Variants in CHRNA6 observed in about 807,000 individuals in gnomAD.
CHRNA6 encodes the protein neuronal acetylcholine receptor subunit alpha-6.
In CHRNA6, 31 loss-of-function variants were observed where a neutral mutation model predicts 40.9. The ratio of observed to expected loss-of-function variants is 0.76; its 90% CI spans 0.57 to 1.02. CHRNA6 has a LOEUF of 1.02. Among genes scored for constraint, CHRNA6 ranks in the 50% least tolerant of loss-of-function variants. The probability of loss-of-function intolerance (pLI) is 0.00; values close to 1 mark genes in which losing one functional copy is unlikely to be tolerated. For synonymous variants in CHRNA6, 222 were observed against 221.3 expected (o/e 1.00, Z -0.03); for missense variants, 546 against 596.6 (o/e 0.92, Z 0.88).
chr8:42,755,890 G>T lies in CHRNA6; in HGVS notation c.1309C>A (p.Gln437Lys). 6.2e-7 allele frequency: 1 copy of T among 1,614,158 alleles called. No homozygotes were observed. The highest frequency in any genetic ancestry group is 1.1e-5 in the South Asian group (1 of 91,072). Residue 437 changes from glutamine to lysine, a missense_variant, in exon 5 of 6, where the codon CAG becomes AAG. Gln to Lys is a moderately conservative substitution (Grantham distance 53). Coordinates refer to ENST00000276410, the MANE Select transcript of CHRNA6 (RefSeq NM_004198.3). ...CTCTTCATGTTTTCTGCTATGAACT[G>T]AACACTGTTAATCACATCTTCAACT... ...PEVEDVINSV[Q>K]FIAENMKSHN... is the part of the protein sequence containing the mutation.
At chr8:42,766,576 G>T (rs977249369) in intron 1 of CHRNA6, among the ~76,000 whole-genome samples, 2 of 152,144 alleles carry the variant, frequency 1.3e-5, no homozygotes, top group African/African-American at 4.8e-5. Flanking sequence ...GAACAAGATC[G>T]TGCCCTTTGC....
At position 42,756,166 on chromosome 8, in the gene CHRNA6, A is replaced by C; in HGVS notation, c.1033T>G (p.Phe345Val). ...AGGACCTGGGGCAGCAGCTTCAGGA[A>C]AACTGTCTTCACCCACCTGGGCATT... Reference protein sequence around the residue: ...HTMPRWVKTVFLKLLPQVLLM... With the variant: ...HTMPRWVKTVVLKLLPQVLLM... The change falls in exon 5 of 6, where the codon TTC becomes GTC. Residue 345 changes from phenylalanine to valine, a missense_variant. Around this residue, in one of 3 missense-constraint regions of CHRNA6, gnomAD observed 476 missense variants for 494.5 expected, o/e 0.96. Transcript: ENST00000276410. The C allele has an allele frequency of 6.2e-7, 1 of 1,614,248 alleles. No individual in the cohort carries two copies. Among genetic ancestry groups the C allele is most frequent in the Non-Finnish European group, 8.5e-7 (1 of 1,180,042 alleles).
intron 2 of CHRNA6, among the ~76,000 whole-genome samples, chr8:42,764,275 C>CT (rs1236086325): frequency 2.0e-5 from 3 of 151,908 alleles, no homozygotes; most frequent in African/African-American, 4.8e-5. Flanking sequence ...TTCCCAACCT[C>CT]TTTTTTTTCC....
chr8:42,760,215 A>C, intron 2 of CHRNA6, among the ~76,000 whole-genome samples: 1 of 152,236 alleles, frequency 6.6e-6, no homozygotes, highest in East Asian at 1.9e-4. Context: ...ACACATATGC[A>C]CACACACGCA....
chr8:42,764,896 CACAG>C (rs1188806213), intron 2 of CHRNA6, 165 bp downstream of exon 2: 3 of 667,150 alleles, frequency 4.5e-6, no homozygotes, highest in East Asian at 5.5e-5. Context: ...CACTGCCTCA[CACAG>C]ACAGTTACAG....
chr8:42,756,303 A>G lies in CHRNA6; in HGVS notation c.896T>C (p.Val299Ala). Residue 299 changes from valine to alanine, a missense_variant, in exon 5 of 6, where the codon GTG (valine) becomes GCG (alanine). Around this residue, in one of 3 missense-constraint regions of CHRNA6, gnomAD observed 476 missense variants for 494.5 expected, o/e 0.96. Coordinates refer to ENST00000276410, the MANE Select transcript of CHRNA6 (RefSeq NM_004198.3). Reference protein sequence around the residue: ...ITETIPSTSLVVPLVGEYLLF... With the variant: ...ITETIPSTSLAVPLVGEYLLF... ...CAGGTACTCACCCACCAGTGGGACCACCAGAGATGTGGATGGGATGGTTTC... is the reference window on the plus strand; with the variant it reads ...CAGGTACTCACCCACCAGTGGGACCGCCAGAGATGTGGATGGGATGGTTTC... 6.2e-7 allele frequency: 1 copy of G among 1,614,266 alleles called. No homozygotes were observed. Among genetic ancestry groups the G allele is most frequent in the Non-Finnish European group, 8.5e-7 (1 of 1,180,048 alleles).
chr8:42,761,072 G>T (rs1244916755), intron 2 of CHRNA6, among the ~76,000 whole-genome samples: 1 of 152,158 alleles, frequency 6.6e-6, no homozygotes, highest in East Asian at 1.9e-4. Flanking sequence ...CCACGTGGCT[G>T]CCCTGCAGTT....
intron 1 of CHRNA6, among the ~76,000 whole-genome samples, chr8:42,767,661 T>G (rs991418418): frequency 3.3e-5 from 5 of 152,170 alleles, no homozygotes; most frequent in African/African-American, 1.2e-4. Flanking sequence ...AAATTTAAGG[T>G]AAAACATCAT....
rs1486057766 is a variant in CHRNA6, at chr8:42,756,750, G to A, written c.449C>T (p.Pro150Leu). The change falls in exon 5 of 6, where the codon CCA (proline) becomes CTA (leucine). Residue 150 changes from proline to leucine, a missense_variant. Physicochemically the swap from Pro to Leu is moderately conservative, Grantham distance 98. Around this residue, in one of 3 missense-constraint regions of CHRNA6, gnomAD observed 476 missense variants for 494.5 expected, o/e 0.96. Transcript: ENST00000276410. ...LKYNGMITWTPPAIFKSSCPM... is the reference protein window; with the variant it reads ...LKYNGMITWTLPAIFKSSCPM... ...GCAGGAACTCTTAAAAATAGCTGGTGGAGTCCAGGTTATCATGCCATTGTA... is the reference window on the plus strand; with the variant it reads ...GCAGGAACTCTTAAAAATAGCTGGTAGAGTCCAGGTTATCATGCCATTGTA... The A allele has an allele frequency of 6.2e-7, 1 of 1,613,442 alleles. No individual in the cohort carries two copies.
At position 42,756,623 on chromosome 8, in the gene CHRNA6, T is replaced by G. The variant is rs769939913; in HGVS notation, c.576A>C (p.Gly192=). ...DKAEIDLLII[G]SKVDMNDFWE... is the part of the protein sequence containing the mutation. ...AAAAATCATTCATATCCACTTTTGA[T>G]CCAATGATTAGAAGATCAATTTCAG... Residue 192 remains glycine (G), a synonymous_variant, in exon 5 of 6, where the codon GGA becomes GGC. Transcript: ENST00000276410. 6.2e-7 allele frequency: 1 copy of G among 1,614,044 alleles called. No individual in the cohort carries two copies. Among genetic ancestry groups the G allele is most frequent in the Non-Finnish European group, 8.5e-7 (1 of 1,180,030 alleles).
At chr8:42,758,815 A>G (rs1351207718) in intron 3 of CHRNA6, among the ~76,000 whole-genome samples, 1 of 152,228 alleles carries the variant, frequency 6.6e-6, no homozygotes, top group Non-Finnish European at 1.5e-5. Context: ...CTCAAGTTAC[A>G]GAAAAGTGGA....
At chr8:42,753,364 A>G (rs1816750264) in intron 5 of CHRNA6, 54 bp from the exon 6 acceptor site, 4 of 1,503,702 alleles carry the variant, frequency 2.7e-6, no homozygotes, top group Non-Finnish European at 3.6e-6. Context: ...ACCATAAGAA[A>G]CATGCCTTGT....
chr8:42,768,437 AAC>A lies in CHRNA6; in HGVS notation c.-9_-8del. On this transcript the variant is annotated 5_prime_UTR_variant, in exon 1 of 6. An upstream open reading frame in the 5' UTR loses its in-frame stop. Transcript: ENST00000276410. The stretch of plus-strand genomic sequence containing the variant: ...GCCCCTTGCTGGTCAGCATGGTTAA[AAC>A]ACACTTGGATTCCTTTTTCCTAGGC... The A allele has an allele frequency of 6.2e-7, 1 of 1,611,988 alleles. No individual in the cohort carries two copies. Among genetic ancestry groups the A allele is most frequent in the Non-Finnish European group, 8.5e-7 (1 of 1,178,114 alleles).
intron 2 of CHRNA6, among the ~76,000 whole-genome samples, chr8:42,760,321 C>G (rs1043990152): frequency 7.8e-6 from 1 of 128,632 alleles, no homozygotes; most frequent in African/African-American, 4.4e-5. Flanking sequence ...CACACTCATG[C>G]ACACTCACAC....
chr8:42,764,955 G>A, intron 2 of CHRNA6, 110 bp downstream of exon 2: 1 of 1,217,352 alleles, frequency 8.2e-7, no homozygotes, highest in Non-Finnish European at 1.1e-6. Context: ...TGGCTTTGAA[G>A]GGCCAGATCT....
At position 42,756,999 on chromosome 8, in the gene CHRNA6, T is replaced by C; in HGVS notation, c.303A>G (p.Glu101=). Residue 101 remains glutamate, a synonymous_variant, in exon 4 of 6, where the codon GAA becomes GAG. Transcript: ENST00000276410. ...NDYKLRWDPM[E]YDGIETLRVP... is the part of the protein sequence containing the mutation. The stretch of plus-strand genomic sequence containing the variant: ...CGCGAAGAGTCTCAATGCCATCATA[T>C]TCCATTGGATCCCAGCGCAATTTAT... 6.2e-7 allele frequency: 1 copy of C among 1,613,658 alleles called. No individual in the cohort carries two copies. Among genetic ancestry groups the C allele is most frequent in the Non-Finnish European group, 8.5e-7 (1 of 1,179,518 alleles).
intron 2 of CHRNA6, among the ~76,000 whole-genome samples, chr8:42,761,642 A>G (rs1816906131): frequency 6.6e-6 from 1 of 152,190 alleles, no homozygotes; most frequent in East Asian, 1.9e-4. Context: ...GACCCTATGG[A>G]GCAGGACCTG....
At chr8:42,758,942 T>C (rs1816853259) in intron 3 of CHRNA6, 127 bp downstream of exon 3, 6 of 743,066 alleles carry the variant, frequency 8.1e-6, no homozygotes, top group Non-Finnish European at 1.4e-5. Flanking sequence ...AGCTGAACTT[T>C]AGGCTTTGGA....
intron 5 of CHRNA6, among the ~76,000 whole-genome samples, chr8:42,755,456 T>C (rs1816783411): frequency 6.6e-6 from 1 of 152,144 alleles, no homozygotes; most frequent in African/African-American, 2.4e-5. Flanking sequence ...TTTGTATTTT[T>C]AGTAGAGATG....
Sources: allele counts gnomAD v4.1 joint callset (sites outside exome capture counted in the v4.1 genomes callset), GRCh38; gene constraint gnomAD v4.1.1; regional missense constraint gnomAD v4.1.1; transcripts MANE v1.5; gene names NCBI Gene and HGNC (gene_info 2026-07-23, HGNC 2026-07-21).